Variants in RANBP17 observed in about 807,000 individuals in gnomAD.
The protein encoded by RANBP17 is ran-binding protein 17.
In RANBP17, 158 loss-of-function variants were observed where a neutral mutation model predicts 141.2. The ratio of observed to expected loss-of-function variants is 1.12; its 90% CI spans 0.98 to 1.28. RANBP17 has a LOEUF of 1.28. Ranked by LOEUF, RANBP17 falls within the 50% of genes most tolerant of loss-of-function variation. The pLI is 0.00. For missense variants in RANBP17, 1,438 were observed against 1,290.7 expected (o/e 1.11, Z -1.75); for synonymous variants, 430 against 450.0 (o/e 0.96, Z 0.56).
At chr5:170,984,568 G>A (rs1481680420) in intron 14 of RANBP17, among the ~76,000 whole-genome samples, 1 of 152,106 alleles carries the variant, frequency 6.6e-6, no homozygotes, top group Non-Finnish European at 1.5e-5. Flanking sequence ...TCAGGCTGCA[G>A]TGAGCTGTGA....
intron 14 of RANBP17, among the ~76,000 whole-genome samples, chr5:171,078,335 T>C (rs1424416074): frequency 1.3e-5 from 2 of 152,044 alleles, no homozygotes; most frequent in Non-Finnish European, 2.9e-5. Context: ...GCTAATTTTT[T>C]GGTAGAGACG....
chr5:171,259,742 A>G (rs1454666247), intron 24 of RANBP17, among the ~76,000 whole-genome samples: 1 of 152,142 alleles, frequency 6.6e-6, no homozygotes, highest in Non-Finnish European at 1.5e-5. Context: ...GCACTTTGGG[A>G]GGCTGAGGTC....
chr5:171,050,859 A>C (rs200305670), intron 14 of RANBP17, among the ~76,000 whole-genome samples: 1 of 151,326 alleles, frequency 6.6e-6, no homozygotes, highest in East Asian at 1.9e-4. Context: ...GAATTTTCTT[A>C]GTTTTCTTTT....
At chr5:171,164,142 G>A (rs1759521715) in intron 14 of RANBP17, among the ~76,000 whole-genome samples, 1 of 152,090 alleles carries the variant, frequency 6.6e-6, no homozygotes, top group African/African-American at 2.4e-5. Context: ...ATAAAGGACT[G>A]TTATTGAATT....
intron 25 of RANBP17, 118 bp downstream of exon 25, chr5:171,265,965 T>C (rs1766646383): frequency 2.7e-6 from 2 of 748,154 alleles, no homozygotes; most frequent in South Asian, 4.2e-5. Context: ...GTAAAAAATA[T>C]ATATATATAT....
intron 14 of RANBP17, among the ~76,000 whole-genome samples, chr5:171,141,561 C>T (rs1489619852): frequency 7.1e-6 from 1 of 141,474 alleles, no homozygotes; most frequent in Non-Finnish European, 1.5e-5. Flanking sequence ...GAGCCGAGAT[C>T]TCACCACTAC....
At chr5:170,894,796 G>A (rs1366328689) in intron 4 of RANBP17, among the ~76,000 whole-genome samples, 1 of 151,822 alleles carries the variant, frequency 6.6e-6, no homozygotes, top group South Asian at 2.1e-4. Context: ...TCAAATTACC[G>A]GTCTTCAGCA....
intron 14 of RANBP17, among the ~76,000 whole-genome samples, chr5:171,025,780 A>C (rs1781196825): frequency 6.6e-6 from 1 of 151,856 alleles, no homozygotes; most frequent in South Asian, 2.1e-4. Flanking sequence ...TAAAGACAAG[A>C]TCTTGCTATG....
intron 24 of RANBP17, chr5:171,252,110 A>G: frequency 6.3e-7 from 1 of 1,595,878 alleles, no homozygotes; most frequent in South Asian, 1.1e-5. Context: ...AAGTTGGAGT[A>G]ATACCTCCCA....
chr5:171,056,826 T>C (rs774117290), intron 14 of RANBP17, among the ~76,000 whole-genome samples: 4 of 152,118 alleles, frequency 2.6e-5, no homozygotes, highest in African/African-American at 9.7e-5. Flanking sequence ...ACCTCAAAAA[T>C]TTTTTAAAGC....
chr5:170,877,280 A>ATATT (rs1768262355), intron 1 of RANBP17, among the ~76,000 whole-genome samples: 1 of 151,938 alleles, frequency 6.6e-6, no homozygotes, highest in African/African-American at 2.4e-5. Context: ...ATATATATAT[A>ATATT]TTTTTGAGAC....
chr5:171,235,893 C>A (rs1764512265), intron 22 of RANBP17, among the ~76,000 whole-genome samples: 1 of 152,150 alleles, frequency 6.6e-6, no homozygotes, highest in African/African-American at 2.4e-5. Flanking sequence ...TTCACCCAGC[C>A]TTTTTAAAAT....
intron 20 of RANBP17, chr5:171,206,748 A>T (rs1762601811): frequency 5.6e-6 from 1 of 179,134 alleles, no homozygotes; most frequent in East Asian, 9.2e-5. Flanking sequence ...TCTACATATT[A>T]TAAAAATTTT....
At chr5:171,150,926 C>G (rs150428860) in intron 14 of RANBP17, among the ~76,000 whole-genome samples, 1 of 152,070 alleles carries the variant, frequency 6.6e-6, no homozygotes, top group African/African-American at 2.4e-5. Flanking sequence ...GAACTTGGTC[C>G]GCTGCTTTTG....
At chr5:170,982,101 C>G (rs982307022) in intron 14 of RANBP17, among the ~76,000 whole-genome samples, 1 of 152,162 alleles carries the variant, frequency 6.6e-6, no homozygotes, top group African/African-American at 2.4e-5. Context: ...GAAAAATATT[C>G]CTAGACACTT....
At chr5:170,997,893 T>C (rs2127573220) in intron 14 of RANBP17, among the ~76,000 whole-genome samples, 1 of 152,268 alleles carries the variant, frequency 6.6e-6, no homozygotes, top group South Asian at 2.1e-4. Flanking sequence ...GAATTTATTT[T>C]CCTCTGCTTT....
chr5:171,230,561 G>C (rs1399605864), intron 22 of RANBP17, among the ~76,000 whole-genome samples: 2 of 151,986 alleles, frequency 1.3e-5, no homozygotes, highest in South Asian at 2.1e-4. Context: ...AGGAGTTCGA[G>C]ACCAGCCTGG....
chr5:170,976,305 A>G (rs140355400), intron 14 of RANBP17, among the ~76,000 whole-genome samples: 372 of 152,326 alleles, frequency 2.4e-3, no homozygotes, highest in African/African-American at 8.2e-3. Flanking sequence ...TATAATCTGA[A>G]AATCATAAAA....
At chr5:171,161,521 C>G in intron 14 of RANBP17, 1 of 186,866 alleles carries the variant, frequency 5.4e-6, no homozygotes, top group Non-Finnish European at 1.1e-5. Context: ...GCTTGTCTCA[C>G]TACAGCCTCA....
Sources: gnomAD v4.1 joint callset for allele counts (sites outside exome capture counted in the v4.1 genomes callset) on GRCh38, gnomAD v4.1.1 for gene constraint, MANE v1.5 for transcripts, NCBI Gene and HGNC (gene_info 2026-07-23, HGNC 2026-07-21) for gene names.